FSTL4: variants seen among roughly 807,000 people sequenced by gnomAD.
FSTL4 encodes follistatin like 4.
Under a neutral mutation model 78.2 loss-of-function variants are expected in FSTL4, and 28 were observed. The ratio of observed to expected loss-of-function variants is 0.36; its 90% CI spans 0.27 to 0.49. The LOEUF is 0.49. Among genes scored for constraint, FSTL4 ranks in the 20% least tolerant of loss-of-function variants. The probability of loss-of-function intolerance (pLI) is 0.98; values close to 1 mark genes in which losing one functional copy is unlikely to be tolerated. For missense variants in FSTL4, 922 were observed against 1,084.9 expected (o/e 0.85, Z 2.11); for synonymous variants, 422 against 440.5 (o/e 0.96, Z 0.53).
chr5:133,296,160 A>G (rs1753390913), intron 6 of FSTL4, among the ~76,000 whole-genome samples: 1 of 152,120 alleles, frequency 6.6e-6, no homozygotes, highest in Non-Finnish European at 1.5e-5. Context: ...CTCATGCCCA[A>G]AACCCTGGAG....
chr5:133,570,765 G>GC (rs1760138003), intron 2 of FSTL4, among the ~76,000 whole-genome samples: 1 of 152,170 alleles, frequency 6.6e-6, no homozygotes. Flanking sequence ...AACAAAAGCA[G>GC]CCAGAATTTA....
At chr5:133,233,389 G>T in intron 8 of FSTL4, 28 bp downstream of exon 8, 1 of 1,613,352 alleles carries the variant, frequency 6.2e-7, no homozygotes, top group Non-Finnish European at 8.5e-7. Flanking sequence ...GCTATGAGGG[G>T]ACAACATGCA....
intron 5 of FSTL4, among the ~76,000 whole-genome samples, chr5:133,314,714 T>G (rs940793222): frequency 2.6e-5 from 4 of 152,094 alleles, no homozygotes; most frequent in Non-Finnish European, 4.4e-5. Context: ...GTTGTCTGAT[T>G]TCTTAGAGCC....
intron 6 of FSTL4, among the ~76,000 whole-genome samples, chr5:133,295,206 A>G (rs1753361891): frequency 2.0e-5 from 3 of 152,184 alleles, no homozygotes; most frequent in Non-Finnish European, 1.5e-5. Context: ...CTGAGAAAAC[A>G]GACGTCTGCA....
At chr5:133,636,187 T>C in the FSTL4 span, among the ~76,000 whole-genome samples, 6 of 152,156 alleles carry the variant, frequency 3.9e-5, no homozygotes, top group Non-Finnish European at 8.8e-5. Flanking sequence ...AGACCAAGAA[T>C]CAAAGACCCA....
At chr5:133,718,813 C>T in the FSTL4 span, among the ~76,000 whole-genome samples, 12 of 152,270 alleles carry the variant, frequency 7.9e-5, no homozygotes, top group East Asian at 1.7e-3. Flanking sequence ...TTGATTATTA[C>T]CTCCTATTCA....
At chr5:133,572,717 T>C (rs768570088) in intron 2 of FSTL4, among the ~76,000 whole-genome samples, 3 of 152,148 alleles carry the variant, frequency 2.0e-5, no homozygotes, top group Non-Finnish European at 4.4e-5. Context: ...CATAGTAATA[T>C]GATTTTTTTA....
rs1272635050 is a variant in FSTL4, at chr5:133,249,592, A to G, written c.728-16T>C. 11 of 1,602,368 alleles carry G rather than the reference A, an allele frequency of 6.9e-6. No homozygotes were observed. Among genetic ancestry groups the G allele is most frequent in the Non-Finnish European group, 9.4e-6 (11 of 1,171,322 alleles). On this transcript the variant is annotated splice_polypyrimidine_tract_variant and intron_variant, in intron 6 of 15. Coordinates refer to ENST00000265342, the MANE Select transcript of FSTL4 (RefSeq NM_015082.2). ...TGAACCACTTCTGCAGAGGGAAAGG[A>G]GGAGGCACGGTCAGGTGCAGGCCCA...
At chr5:133,420,214 G>A (rs776972867) in intron 3 of FSTL4, among the ~76,000 whole-genome samples, 2 of 152,242 alleles carry the variant, frequency 1.3e-5, no homozygotes, top group Non-Finnish European at 2.9e-5. Flanking sequence ...ACTAATCTAC[G>A]ATGCTAGAAA....
At chr5:133,272,936 A>G (rs1189296499) in intron 6 of FSTL4, among the ~76,000 whole-genome samples, 1 of 152,354 alleles carries the variant, frequency 6.6e-6, no homozygotes, top group African/African-American at 2.4e-5. Context: ...AATATTTGTC[A>G]TAGAACAGCC....
intron 3 of FSTL4, among the ~76,000 whole-genome samples, chr5:133,419,673 A>G (rs1054502575): frequency 5.9e-5 from 9 of 152,374 alleles, no homozygotes; most frequent in East Asian, 5.8e-4. Flanking sequence ...CTGTCAAACC[A>G]TCTTCCAAAG....
intron 4 of FSTL4, among the ~76,000 whole-genome samples, chr5:133,329,588 T>C (rs1245890390): frequency 6.8e-6 from 1 of 147,182 alleles, no homozygotes; most frequent in Non-Finnish European, 1.5e-5. Flanking sequence ...GGGAAAAAGA[T>C]GTAGGCTGGG....
At chr5:133,516,853 G>A (rs1361970788) in intron 3 of FSTL4, among the ~76,000 whole-genome samples, 1 of 152,148 alleles carries the variant, frequency 6.6e-6, no homozygotes, top group Non-Finnish European at 1.5e-5. Flanking sequence ...AGGAAAAAAA[G>A]AAAGGATATG....
chr5:133,199,838 G>A lies in FSTL4; in HGVS notation c.1827-41C>T, dbSNP rs561147619. 38 of 1,071,894 alleles carry A rather than the reference G, an allele frequency of 3.5e-5. No homozygotes were observed. In the African/African-American group the frequency reaches 5.5e-4, roughly 16 times the overall value. 66.4% of individuals were successfully genotyped at this position (1,071,894 alleles called of 1,614,324 possible). A position where few individuals can be genotyped will look rare whatever the true frequency, so the allele number is the denominator to read the frequency against. On this transcript the variant is annotated intron_variant, in intron 15 of 15. Coordinates refer to ENST00000265342, the MANE Select transcript of FSTL4 (RefSeq NM_015082.2). This position sits in a 1 kb window ranked among gnomAD's most constrained non-coding sequence, Gnocchi z 4.4. ...CTGAGGTCAGAAGTTGCCTCCAGGG[G>A]TGGGGAATCTGTCATTTGTCTTAAA...
intron 3 of FSTL4, among the ~76,000 whole-genome samples, chr5:133,498,141 A>T (rs1001678247): frequency 2.0e-5 from 3 of 152,182 alleles, no homozygotes; most frequent in Non-Finnish European, 4.4e-5. Context: ...TGCAAATGAG[A>T]CTTCCAGATA....
At chr5:133,480,638 G>A (rs1252014520) in intron 3 of FSTL4, among the ~76,000 whole-genome samples, 5 of 151,910 alleles carry the variant, frequency 3.3e-5, no homozygotes, top group Admixed American at 2.0e-4. Flanking sequence ...TGGTATGGAC[G>A]CGGTGGGAGC....
chr5:133,284,740 T>G (rs1455500713), intron 6 of FSTL4, among the ~76,000 whole-genome samples: 1 of 152,210 alleles, frequency 6.6e-6, no homozygotes, highest in Non-Finnish European at 1.5e-5. Flanking sequence ...TTCTCTACTT[T>G]GAAATGATTA....
the FSTL4 span, among the ~76,000 whole-genome samples, chr5:133,682,661 G>A: frequency 6.6e-6 from 1 of 152,218 alleles, no homozygotes; most frequent in Admixed American, 6.5e-5. Context: ...AGTCCTGAAT[G>A]GCTATGGCCA....
chr5:133,747,729 C>T, the FSTL4 span, among the ~76,000 whole-genome samples: 1 of 152,162 alleles, frequency 6.6e-6, no homozygotes, highest in Non-Finnish European at 1.5e-5. Context: ...TGCTGGGAAA[C>T]TTCTCTGTGT....
Sources: gnomAD v4.1 joint callset for allele counts (sites outside exome capture counted in the v4.1 genomes callset) on GRCh38, gnomAD v4.1.1 for gene constraint, Gnocchi (gnomAD v3.1) non-coding constraint, MANE v1.5 for transcripts, NCBI Gene and HGNC (gene_info 2026-07-23, HGNC 2026-07-21) for gene names.